Variants in AFF3 observed in about 807,000 individuals in gnomAD.
The protein encoded by AFF3 is AF4/FMR2 family member 3.
Under a neutral mutation model 129.7 loss-of-function variants are expected in AFF3, and 32 were observed. That is an observed-to-expected ratio of 0.25 (90% CI 0.19 to 0.33). The LOEUF is 0.33. Among genes scored for constraint, AFF3 ranks in the 10% least tolerant of loss-of-function variants. The probability of loss-of-function intolerance (pLI) is 1.00; values close to 1 mark genes in which losing one functional copy is unlikely to be tolerated. For synonymous variants in AFF3, 644 were observed against 635.4 expected (o/e 1.01, Z -0.20); for missense variants, 1,373 against 1,592.0 (o/e 0.86, Z 2.34).
intron 7 of AFF3, among the ~76,000 whole-genome samples, chr2:99,876,280 T>TA (rs1204221095): frequency 2.0e-5 from 3 of 152,214 alleles, no homozygotes; most frequent in Admixed American, 6.5e-5. Flanking sequence ...GCCTAGCTGA[T>TA]ACAACCATTT....
intron 22 of AFF3, 105 bp downstream of exon 22, chr2:99,558,770 G>T (rs773754702): frequency 1.3e-4 from 145 of 1,085,230 alleles, no homozygotes; most frequent in Non-Finnish European, 1.8e-4. Context: ...GACCAGAGGT[G>T]ACCTGCATTA....
chr2:99,573,769 C>T (rs1437433894), intron 18 of AFF3, among the ~76,000 whole-genome samples: 3 of 152,168 alleles, frequency 2.0e-5, no homozygotes, highest in African/African-American at 4.8e-5. Context: ...GCTCCTGTTA[C>T]GGGCACCATG....
intron 8 of AFF3, among the ~76,000 whole-genome samples, chr2:99,772,457 G>A (rs77171483): frequency 0.033 from 5,005 of 152,306 alleles, 300 homozygotes; most frequent in African/African-American, 0.11. Context: ...GAAATTGCCT[G>A]GCTATGTTCA....
intron 9 of AFF3, among the ~76,000 whole-genome samples, chr2:99,747,906 G>A (rs1558811758): frequency 1.3e-5 from 2 of 152,074 alleles, no homozygotes; most frequent in African/African-American, 2.4e-5. Flanking sequence ...GCCACTCTGC[G>A]GGTACAAATA....
chr2:99,827,661 A>G (rs915172392), intron 8 of AFF3, among the ~76,000 whole-genome samples: 6 of 151,476 alleles, frequency 4.0e-5, no homozygotes, highest in African/African-American at 1.5e-4. Flanking sequence ...ATATATATGT[A>G]TATATATACA....
chr2:99,747,985 C>A (rs993593075), intron 9 of AFF3, among the ~76,000 whole-genome samples: 1 of 152,088 alleles, frequency 6.6e-6, no homozygotes, highest in Non-Finnish European at 1.5e-5. Context: ...CCTTACCAGG[C>A]CACTCCCACA....
At chr2:99,668,506 C>A (rs909396168) in intron 12 of AFF3, among the ~76,000 whole-genome samples, 2 of 151,128 alleles carry the variant, frequency 1.3e-5, no homozygotes, top group African/African-American at 2.4e-5. Context: ...ATCTCCAGGC[C>A]CATATGGTTT....
chr2:100,076,127 G>A (rs1688571272), intron 4 of AFF3, among the ~76,000 whole-genome samples: 1 of 152,120 alleles, frequency 6.6e-6, no homozygotes, highest in Admixed American at 6.5e-5. Flanking sequence ...GTCAAATCAG[G>A]GTATGGATGC....
intron 8 of AFF3, among the ~76,000 whole-genome samples, chr2:99,794,695 T>C (rs1576005500): frequency 6.6e-6 from 1 of 152,182 alleles, no homozygotes; most frequent in African/African-American, 2.4e-5. Context: ...GGCCTTTTCA[T>C]AGTCTATTTT....
chr2:99,825,206 G>C (rs1366766), intron 8 of AFF3, among the ~76,000 whole-genome samples: 1 of 152,170 alleles, frequency 6.6e-6, no homozygotes, highest in African/African-American at 2.4e-5. Flanking sequence ...AGGTTATAAT[G>C]AACTAAATGA....
At chr2:99,865,229 G>A (rs751035590) in intron 7 of AFF3, among the ~76,000 whole-genome samples, 1 of 152,216 alleles carries the variant, frequency 6.6e-6, no homozygotes, top group Non-Finnish European at 1.5e-5. Flanking sequence ...CCATGGCCCA[G>A]CCATCAGGTG....
chr2:99,786,307 A>G (rs757087616), intron 8 of AFF3, among the ~76,000 whole-genome samples: 35 of 152,160 alleles, frequency 2.3e-4, no homozygotes, highest in Non-Finnish European at 3.5e-4. Context: ...GGCCAATGTG[A>G]GGCTCCATGA....
chr2:99,578,467 C>T lies in AFF3; in HGVS notation c.2794-16G>A. ...GAGCTGCTTTCTAAACAACAAACAACACACATCTTTGAGAAATTGGCCACC... is the reference window on the plus strand; with the variant it reads ...GAGCTGCTTTCTAAACAACAAACAATACACATCTTTGAGAAATTGGCCACC... On this transcript the variant is annotated splice_polypyrimidine_tract_variant and intron_variant, in intron 17 of 24. Coordinates refer to ENST00000672756, the MANE Select transcript of AFF3 (RefSeq NM_001386135.1). 1 of 1,607,208 alleles carries T rather than the reference C, an allele frequency of 6.2e-7. No homozygotes were observed. The highest frequency in any genetic ancestry group is 1.1e-5 in the South Asian group (1 of 89,276).
chr2:100,052,656 G>A (rs1042491670), intron 4 of AFF3, among the ~76,000 whole-genome samples: 1 of 152,134 alleles, frequency 6.6e-6, no homozygotes, highest in Non-Finnish European at 1.5e-5. Context: ...ATGCTCCTGG[G>A]TTTAGAGATT....
chr2:99,703,683 G>C (rs1179877512), intron 11 of AFF3, among the ~76,000 whole-genome samples: 1 of 144,516 alleles, frequency 6.9e-6, no homozygotes, highest in Non-Finnish European at 1.5e-5. Context: ...GTGGGTACTT[G>C]AACATTTTTC....
intron 7 of AFF3, among the ~76,000 whole-genome samples, chr2:99,845,246 T>A (rs188483858): frequency 2.0e-5 from 3 of 152,250 alleles, no homozygotes; most frequent in Admixed American, 6.5e-5. Flanking sequence ...GCAGACAATA[T>A]TGTTAAAGAG....
chr2:99,547,069 A>C lies in AFF3; in HGVS notation c.*4405T>G, dbSNP rs969430883. 9.1e-6 allele frequency: 2 copies of C among 219,992 alleles called. No individual in the cohort carries two copies. Among genetic ancestry groups the C allele is most frequent in the African/African-American group, 4.5e-5 (2 of 44,628 alleles). The allele number at this position is 219,992 out of a possible 1,614,324, so 13.6% of individuals were successfully genotyped here. ...ACTTCTTTTCCATGAAAAATGTCAG[A>C]CTTCATACTGATAATCTGTGGGAGC... On this transcript the variant is annotated 3_prime_UTR_variant, in exon 25 of 25. Coordinates refer to ENST00000672756, the MANE Select transcript of AFF3 (RefSeq NM_001386135.1).
At position 100,028,345 on chromosome 2, in the gene AFF3, A is replaced by G. The variant is rs577893149; in HGVS notation, c.54-19413T>C. On this transcript the variant is annotated intron_variant, in intron 4 of 24. Coordinates refer to ENST00000672756, the MANE Select transcript of AFF3 (RefSeq NM_001386135.1). ...GTCAGAAATGCTCAGATTTATGTGTATGAATTTCCATCAGAGAATTGTATG... is the reference window on the plus strand; with the variant it reads ...GTCAGAAATGCTCAGATTTATGTGTGTGAATTTCCATCAGAGAATTGTATG... Among the ~76,000 whole-genome samples the G allele has an allele frequency of 2.0e-5, 3 of 152,352 alleles. No individual in the cohort carries two copies. In the South Asian group the frequency reaches 6.2e-4, roughly 32 times the overall value.
chr2:100,021,413 C>G (rs1171338355), intron 4 of AFF3, among the ~76,000 whole-genome samples: 1 of 152,090 alleles, frequency 6.6e-6, no homozygotes, highest in Non-Finnish European at 1.5e-5. Flanking sequence ...GGTAAATGAA[C>G]GTTTGTTTCA....
Sources: allele counts gnomAD v4.1 joint callset (sites outside exome capture counted in the v4.1 genomes callset), GRCh38; gene constraint gnomAD v4.1.1; transcripts MANE v1.5; gene names NCBI Gene and HGNC (gene_info 2026-07-23, HGNC 2026-07-21).